The following DLC1 variants were observed in gnomAD, a reference collection of about 807,000 sequenced individuals.
DLC1 encodes DLC1 Rho GTPase activating protein.
A neutral mutation model predicts 140.3 loss-of-function variants in DLC1; 54 were observed. That is an observed-to-expected ratio of 0.38 (90% CI 0.31 to 0.48). The LOEUF is 0.48. Ranked by LOEUF, DLC1 falls within the 20% of genes least tolerant of loss-of-function variation. The probability of loss-of-function intolerance (pLI) is 0.96; values close to 1 mark genes in which losing one functional copy is unlikely to be tolerated. For missense variants in DLC1, 2,536 were observed against 1,907.0 expected (o/e 1.33, Z -6.14); for synonymous variants, 986 against 728.1 (o/e 1.35, Z -5.70).
intron 4 of DLC1, among the ~76,000 whole-genome samples, chr8:13,379,292 C>T (rs930058387): frequency 1.3e-5 from 2 of 152,120 alleles, no homozygotes; most frequent in African/African-American, 4.8e-5. Flanking sequence ...GTTTGAGACC[C>T]CACAACAGTG....
intron 5 of DLC1, among the ~76,000 whole-genome samples, chr8:13,268,186 G>T (rs929717898): frequency 2.0e-5 from 3 of 152,038 alleles, no homozygotes; most frequent in Admixed American, 1.3e-4. Context: ...TTTAAACTTT[G>T]AAAACAAGTC....
intron 4 of DLC1, chr8:13,338,469 G>A (rs1034726050): frequency 4.6e-5 from 7 of 152,108 alleles, no homozygotes; most frequent in African/African-American, 9.7e-5. Context: ...GCTACAAAAA[G>A]AGAAACTCTC....
intron 1 of DLC1, among the ~76,000 whole-genome samples, chr8:13,525,919 C>T (rs1286270632): frequency 1.3e-5 from 2 of 152,112 alleles, no homozygotes; most frequent in African/African-American, 4.8e-5. Context: ...ACAAAGATTT[C>T]TCCTACACTA....
intron 2 of DLC1, among the ~76,000 whole-genome samples, chr8:13,417,530 G>C (rs1838126559): frequency 6.6e-6 from 1 of 151,700 alleles, no homozygotes; most frequent in African/African-American, 2.4e-5. Context: ...TCCCTACAAA[G>C]GACATGAACT....
chr8:13,099,239 T>C, intron 9 of DLC1, 108 bp downstream of exon 9: 1 of 1,490,302 alleles, frequency 6.7e-7, no homozygotes, highest in Non-Finnish European at 8.9e-7. Context: ...GGAATGGACA[T>C]GGCTAAGAAT....
At chr8:13,445,412 T>C (rs953247343) in intron 2 of DLC1, among the ~76,000 whole-genome samples, 1 of 152,140 alleles carries the variant, frequency 6.6e-6, no homozygotes, top group Non-Finnish European at 1.5e-5. Flanking sequence ...CACAGATACA[T>C]AGTTTAAATC....
intron 1 of DLC1, among the ~76,000 whole-genome samples, chr8:13,553,174 C>G (rs1297620876): frequency 7.6e-6 from 1 of 131,216 alleles, no homozygotes; most frequent in African/African-American, 2.8e-5. Flanking sequence ...ATTTATAAGT[C>G]ATTATATTGA....
At chr8:13,198,276 C>T (rs1396351071) in intron 5 of DLC1, among the ~76,000 whole-genome samples, 1 of 152,042 alleles carries the variant, frequency 6.6e-6, no homozygotes, top group Non-Finnish European at 1.5e-5. Flanking sequence ...CAGTCATTTC[C>T]CAAACTCATA....
At chr8:13,568,676 G>A (rs779092059) in intron 1 of DLC1, among the ~76,000 whole-genome samples, 1 of 152,166 alleles carries the variant, frequency 6.6e-6, no homozygotes, top group Non-Finnish European at 1.5e-5. Flanking sequence ...AGAAAAGATT[G>A]TGAAAAAAGT....
intron 4 of DLC1, among the ~76,000 whole-genome samples, chr8:13,364,093 G>T (rs374238122): frequency 4.6e-5 from 7 of 152,230 alleles, no homozygotes; most frequent in Non-Finnish European, 8.8e-5. Context: ...TTAGAGAAAA[G>T]AGGCAGGAGA....
At chr8:13,086,259 A>C (rs1817548092) in intron 17 of DLC1, 31 bp downstream of exon 17, 1 of 1,601,114 alleles carries the variant, frequency 6.2e-7, no homozygotes, top group Non-Finnish European at 8.5e-7. Context: ...CATGACCCTC[A>C]CCATATAAAA....
chr8:13,122,574 T>C (rs952945439), intron 5 of DLC1, among the ~76,000 whole-genome samples: 2 of 152,108 alleles, frequency 1.3e-5, no homozygotes. Context: ...TCTTTGCAAT[T>C]AAAAAACAAC....
rs369504123 is a variant in DLC1 at position 13,542,378 on chromosome 8, G to A, written c.-125-42182C>T. Among the ~76,000 whole-genome samples, 12 of 152,086 alleles carry A rather than the reference G, an allele frequency of 7.9e-5. No individual in the cohort carries two copies. In the East Asian group the frequency reaches 1.7e-3, roughly 22 times the overall value. On this transcript the variant is annotated intron_variant, in intron 1 of 1. Transcript: ENST00000631382. Reference sequence around the variant, plus strand: ...GACCATATGCGTAGGTCTATTTCTGGGCACACTGTTCTGTACCATTGGTCT... The same window carrying A: ...GACCATATGCGTAGGTCTATTTCTGAGCACACTGTTCTGTACCATTGGTCT...
At chr8:13,560,628 C>T (rs1291778045) in intron 1 of DLC1, among the ~76,000 whole-genome samples, 1 of 152,160 alleles carries the variant, frequency 6.6e-6, no homozygotes, top group Non-Finnish European at 1.5e-5. Context: ...CTCCTCCTCC[C>T]CCACCATTCT....
intron 4 of DLC1, among the ~76,000 whole-genome samples, chr8:13,321,317 G>T (rs1421149980): frequency 6.6e-6 from 1 of 151,996 alleles, no homozygotes; most frequent in Non-Finnish European, 1.5e-5. Context: ...TAGTGGGCAG[G>T]TCACAAGGTC....
At chr8:13,512,859 T>C (rs1201956818) in intron 1 of DLC1, among the ~76,000 whole-genome samples, 1 of 152,022 alleles carries the variant, frequency 6.6e-6, no homozygotes, top group African/African-American at 2.4e-5. Flanking sequence ...AAAATAGTCA[T>C]AAAGCAAGTT....
chr8:13,090,565 G>A (rs868030083), intron 14 of DLC1, 95 bp from the exon 15 acceptor site: 2 of 1,433,500 alleles, frequency 1.4e-6, no homozygotes, highest in East Asian at 4.7e-5. Flanking sequence ...ACAATGGCCT[G>A]GTCCTTAAAG....
rs1055469329 is a variant in DLC1 at position 13,581,900 on chromosome 8, C to G, written c.-126+22637G>C. ...TACTGTAGTTCATGCAATCTGAAGT[C>G]CACGCATCAAAGGCAGCTAGGAAAA... On this transcript the variant is annotated intron_variant, in intron 1 of 1. Transcript: ENST00000631382. 3.3e-5 allele frequency among the ~76,000 whole-genome samples: 5 copies of G among 152,186 alleles called. No individual in the cohort carries two copies. The South Asian group carries it at 6.2e-4, about 19-fold the overall frequency.
At chr8:13,137,590 A>T (rs1419727891) in intron 5 of DLC1, among the ~76,000 whole-genome samples, 2 of 134,680 alleles carry the variant, frequency 1.5e-5, no homozygotes, top group African/African-American at 5.6e-5. Flanking sequence ...CTTGGACATC[A>T]GTTTTTGGTT....
Sources: gnomAD v4.1 joint callset for allele counts (sites outside exome capture counted in the v4.1 genomes callset) on GRCh38, gnomAD v4.1.1 for gene constraint, MANE v1.5 for transcripts, NCBI Gene and HGNC (gene_info 2026-07-23, HGNC 2026-07-21) for gene names.